BACH2: variants seen among roughly 807,000 people sequenced by gnomAD.
BACH2 encodes BACH transcriptional regulator 2.
In BACH2, 5 loss-of-function variants were observed where a neutral mutation model predicts 61.8. The observed-to-expected ratio is 0.08, with a 90% CI of 0.04 to 0.17. The LOEUF is 0.17. BACH2 is among the 10% of genes least tolerant of loss of function. The pLI, the probability that BACH2 is intolerant of heterozygous loss-of-function variation, is 1.00. For synonymous variants in BACH2, 446 were observed against 440.1 expected (o/e 1.01, Z -0.17); for missense variants, 824 against 1,091.1 (o/e 0.76, Z 3.45).
chr6:90,116,793 T>C, intron 4 of BACH2: 1 of 484,640 alleles, frequency 2.1e-6, no homozygotes, highest in Non-Finnish European at 3.8e-6. Flanking sequence ...ACAGAATAGG[T>C]CCCTGGATAC....
chr6:90,010,631 T>C (rs548116759), intron 5 of BACH2, among the ~76,000 whole-genome samples: 3 of 152,236 alleles, frequency 2.0e-5, no homozygotes, highest in South Asian at 4.1e-4. Flanking sequence ...GAATGTATTA[T>C]ATGGTATGTG....
intron 5 of BACH2, among the ~76,000 whole-genome samples, chr6:90,014,731 G>A (rs538438625): frequency 2.8e-4 from 43 of 151,174 alleles, no homozygotes; most frequent in African/African-American, 9.9e-4. Context: ...CCTTGGCCTC[G>A]CAAAGTCTTG....
At chr6:90,127,224 G>A (rs1353064522) in intron 4 of BACH2, among the ~76,000 whole-genome samples, 2 of 152,230 alleles carry the variant, frequency 1.3e-5, no homozygotes, top group East Asian at 3.8e-4. Context: ...GAGAGACTGT[G>A]AAATGCGTCT....
At chr6:90,189,740 T>C (rs536162934) in intron 4 of BACH2, among the ~76,000 whole-genome samples, 1 of 152,338 alleles carries the variant, frequency 6.6e-6, no homozygotes, top group East Asian at 1.9e-4. Context: ...AGTATTTTTC[T>C]TTATTCTTTC....
At chr6:90,223,360 T>C (rs571369903) in intron 3 of BACH2, among the ~76,000 whole-genome samples, 7 of 152,292 alleles carry the variant, frequency 4.6e-5, no homozygotes, top group African/African-American at 1.4e-4. Flanking sequence ...TAAACAGATA[T>C]GCAAAGAGGC....
chr6:90,165,679 A>G (rs1414976417), intron 4 of BACH2, among the ~76,000 whole-genome samples: 1 of 152,212 alleles, frequency 6.6e-6, no homozygotes, highest in Non-Finnish European at 1.5e-5. Flanking sequence ...TACAGTAACC[A>G]AAACAGCATG....
chr6:90,135,235 A>G (rs1282942657), intron 4 of BACH2, among the ~76,000 whole-genome samples: 1 of 152,176 alleles, frequency 6.6e-6, no homozygotes, highest in Non-Finnish European at 1.5e-5. Context: ...CAGCCAACTA[A>G]AACCTTATCT....
intron 4 of BACH2, among the ~76,000 whole-genome samples, chr6:90,146,367 C>T (rs997980877): frequency 5.3e-5 from 8 of 152,234 alleles, no homozygotes; most frequent in Admixed American, 3.3e-4. Context: ...CTCTTGCGTG[C>T]GTGTGCTCTG....
rs1582553043 is a variant in BACH2 at position 90,270,464 on chromosome 6, C to T, written c.-353+1385G>A. ...CTGAGAATCAAATCAAGAATTAAAT[C>T]CCTTTTACAACAGCTGCTAAATAAA... On this transcript the variant is annotated intron_variant, in intron 2 of 8. Transcript: ENST00000257749. Among the ~76,000 whole-genome samples, 3 of 152,246 alleles carry T rather than the reference C, an allele frequency of 2.0e-5. No individual in the cohort carries two copies. In the South Asian group the frequency reaches 6.2e-4, roughly 32 times the overall value.
At chr6:90,235,561 C>T (rs1446494410) in intron 3 of BACH2, among the ~76,000 whole-genome samples, 1 of 152,172 alleles carries the variant, frequency 6.6e-6, no homozygotes, top group Admixed American at 6.5e-5. Flanking sequence ...TGGCACAAGC[C>T]TGTAGTTCCC....
chr6:90,003,771 T>C (rs1777259081), intron 6 of BACH2, among the ~76,000 whole-genome samples: 1 of 152,186 alleles, frequency 6.6e-6, no homozygotes, highest in African/African-American at 2.4e-5. Flanking sequence ...CTTTTTCAGG[T>C]AAAGAGTGGT....
At position 89,932,293 on chromosome 6, in the gene BACH2, G is replaced by T; in HGVS notation, c.*115C>A. 7.3e-7 allele frequency: 1 copy of T among 1,366,030 alleles called. No individual in the cohort carries two copies. Among genetic ancestry groups the T allele is most frequent in the Non-Finnish European group, 1.0e-6 (1 of 992,004 alleles). 84.6% of individuals were successfully genotyped at this position (1,366,030 alleles called of 1,614,324 possible). A position where few individuals can be genotyped will look rare whatever the true frequency, so the allele number is the denominator to read the frequency against. On this transcript the variant is annotated 3_prime_UTR_variant, in exon 9 of 9. Coordinates refer to ENST00000257749, the MANE Select transcript of BACH2 (RefSeq NM_021813.4). ...CAGTATTGCTGCTAAGACCGCTGTA[G>T]TGTGCACCAAATGTGTTCTCGGTTT... is the stretch of plus-strand genomic sequence containing the variant.
chr6:89,947,623 C>G (rs913241096), intron 7 of BACH2, among the ~76,000 whole-genome samples: 1 of 151,466 alleles, frequency 6.6e-6, no homozygotes, highest in South Asian at 2.1e-4. Flanking sequence ...AGGAGTGCAG[C>G]GGCGCGATCT....
chr6:90,129,507 TTC>T (rs925377679), intron 4 of BACH2, among the ~76,000 whole-genome samples: 20 of 152,160 alleles, frequency 1.3e-4, no homozygotes, highest in African/African-American at 4.3e-4. Context: ...TGTGGTTTCT[TTC>T]TTTTTTTTTA....
At chr6:89,961,423 A>G (rs1199292086) in intron 6 of BACH2, among the ~76,000 whole-genome samples, 1 of 152,176 alleles carries the variant, frequency 6.6e-6, no homozygotes, top group Non-Finnish European at 1.5e-5. Context: ...AAAGAAAATT[A>G]TTTTTAAAAA....
chr6:89,997,005 G>GCGCA (rs1027999857), intron 6 of BACH2, among the ~76,000 whole-genome samples: 327 of 149,620 alleles, frequency 2.2e-3, no homozygotes, highest in African/African-American at 7.7e-3. Flanking sequence ...ATGCACACGG[G>GCGCA]CACACACACA....
At chr6:90,143,477 C>G (rs1784527442) in intron 4 of BACH2, among the ~76,000 whole-genome samples, 1 of 152,112 alleles carries the variant, frequency 6.6e-6, no homozygotes, top group South Asian at 2.1e-4. Flanking sequence ...ACAAGGTTAC[C>G]TGAACCACAC....
chr6:90,197,454 A>T (rs1768798245), intron 4 of BACH2, among the ~76,000 whole-genome samples: 1 of 152,238 alleles, frequency 6.6e-6, no homozygotes, highest in Non-Finnish European at 1.5e-5. Flanking sequence ...CAATTAACTA[A>T]GTAGAATTCT....
chr6:89,990,363 A>G (rs1240143762), intron 6 of BACH2, among the ~76,000 whole-genome samples: 1 of 152,166 alleles, frequency 6.6e-6, no homozygotes, highest in Non-Finnish European at 1.5e-5. Flanking sequence ...CTGCTGCGAA[A>G]TTCTCAACAG....
Sources: gnomAD v4.1 joint callset for allele counts (sites outside exome capture counted in the v4.1 genomes callset) on GRCh38, gnomAD v4.1.1 for gene constraint, MANE v1.5 for transcripts, NCBI Gene and HGNC (gene_info 2026-07-23, HGNC 2026-07-21) for gene names.